Variants in TRIM44 observed in about 807,000 individuals in gnomAD.
The protein encoded by TRIM44 is tripartite motif containing 44.
TRIM44 carries 13 observed loss-of-function variants against 37.4 expected under a neutral mutation model. The ratio of observed to expected loss-of-function variants is 0.35; its 90% CI spans 0.23 to 0.55. TRIM44 has a LOEUF of 0.55. TRIM44 is among the 20% of genes least tolerant of loss of function. The probability of loss-of-function intolerance (pLI) is 0.89; values close to 1 mark genes in which losing one functional copy is unlikely to be tolerated. For synonymous variants in TRIM44, 175 were observed against 157.2 expected (o/e 1.11, Z -0.85); for missense variants, 426 against 437.2 (o/e 0.97, Z 0.23).
At chr11:35,776,090 A>G (rs895280937) in intron 4 of TRIM44, among the ~76,000 whole-genome samples, 1 of 152,170 alleles carries the variant, frequency 6.6e-6, no homozygotes, top group Non-Finnish European at 1.5e-5. Context: ...TTGTTAATCC[A>G]TCTGGTCCTG....
chr11:35,710,297 C>CAA (rs1851953116), intron 2 of TRIM44, among the ~76,000 whole-genome samples: 1 of 152,120 alleles, frequency 6.6e-6, no homozygotes, highest in Non-Finnish European at 1.5e-5. Context: ...AAGGTTATCT[C>CAA]TTATAAATGG....
intron 1 of TRIM44, among the ~76,000 whole-genome samples, chr11:35,666,504 C>A (rs1207399955): frequency 6.6e-6 from 1 of 152,096 alleles, no homozygotes; most frequent in East Asian, 1.9e-4. Context: ...TAATTTAGGT[C>A]TTTTTTATTG....
chr11:35,734,089 T>C (rs1008353085), intron 3 of TRIM44, among the ~76,000 whole-genome samples: 4 of 152,222 alleles, frequency 2.6e-5, no homozygotes, highest in African/African-American at 9.6e-5. Flanking sequence ...ATAACACATT[T>C]AGTAATAGTT....
chr11:35,752,340 A>G (rs1334708301), intron 4 of TRIM44, among the ~76,000 whole-genome samples: 1 of 151,228 alleles, frequency 6.6e-6, no homozygotes, highest in Non-Finnish European at 1.5e-5. Context: ...CTCCTGCCAG[A>G]CCTCCCCCGA....
intron 1 of TRIM44, among the ~76,000 whole-genome samples, chr11:35,682,356 A>G (rs765531495): frequency 1.3e-4 from 20 of 152,054 alleles, no homozygotes; most frequent in Non-Finnish European, 2.2e-4. Context: ...ACCTGTGCAC[A>G]AGGCCCCTTG....
intron 4 of TRIM44, among the ~76,000 whole-genome samples, chr11:35,750,956 G>A (rs920381000): frequency 2.0e-5 from 3 of 148,860 alleles, no homozygotes; most frequent in Non-Finnish European, 3.0e-5. Flanking sequence ...AAACTTGGAT[G>A]TACATAATTC....
At position 35,793,845 on chromosome 11, in the gene TRIM44, C is replaced by G. The variant is rs538358809; in HGVS notation, c.1008-12513C>G. On this transcript the variant is annotated intron_variant, in intron 4 of 4. Coordinates refer to ENST00000299413, the MANE Select transcript of TRIM44 (RefSeq NM_017583.6). ...GACCTTGGGATGTTACTTCCTTTGT[C>G]TACTCTGTATTTTCTTCGTCTGTAA... is the stretch of plus-strand genomic sequence containing the variant. Among the ~76,000 whole-genome samples, 23 of 152,250 alleles carry G rather than the reference C, an allele frequency of 1.5e-4. 1 individual carries two copies. The South Asian group carries it at 4.4e-3, about 29-fold the overall frequency.
chr11:35,705,689 A>C (rs1282196214), intron 2 of TRIM44, among the ~76,000 whole-genome samples: 1 of 147,962 alleles, frequency 6.8e-6, no homozygotes, highest in Non-Finnish European at 1.5e-5. Context: ...ATGAAGGCAG[A>C]AATAAAGATG....
chr11:35,690,901 C>T (rs1851630111), intron 2 of TRIM44, among the ~76,000 whole-genome samples: 1 of 152,212 alleles, frequency 6.6e-6, no homozygotes, highest in Non-Finnish European at 1.5e-5. Flanking sequence ...ATTTGTCTCA[C>T]TTCATGTTCT....
chr11:35,769,304 T>C (rs1233342498), intron 4 of TRIM44, among the ~76,000 whole-genome samples: 1 of 152,228 alleles, frequency 6.6e-6, no homozygotes, highest in Non-Finnish European at 1.5e-5. Context: ...GGGACTTTTT[T>C]CTTATGTTGT....
At chr11:35,679,869 A>G (rs1338814435) in intron 1 of TRIM44, among the ~76,000 whole-genome samples, 2 of 152,180 alleles carry the variant, frequency 1.3e-5, no homozygotes, top group Non-Finnish European at 2.9e-5. Flanking sequence ...AAAAACAGAA[A>G]CCCAGGGATG....
chr11:35,693,486 T>C (rs1851661474), intron 2 of TRIM44, among the ~76,000 whole-genome samples: 1 of 152,068 alleles, frequency 6.6e-6, no homozygotes, highest in African/African-American at 2.4e-5. Context: ...GTATACTGTT[T>C]GCAGGAGAAA....
At chr11:35,756,979 T>A (rs1232495282) in intron 4 of TRIM44, among the ~76,000 whole-genome samples, 1 of 152,196 alleles carries the variant, frequency 6.6e-6, no homozygotes, top group Non-Finnish European at 1.5e-5. Context: ...TTTTTTGTTG[T>A]GTCTCTGCCA....
rs889633057 is a variant in TRIM44 at position 35,758,368 on chromosome 11, C to T, written c.1007+22923C>T. Reference sequence around the variant, plus strand: ...ATTTGCTTAGTAGATCTTCCTCCATCCCTTTATTTTGAGCCTATGTGTGTC... The same window carrying T: ...ATTTGCTTAGTAGATCTTCCTCCATTCCTTTATTTTGAGCCTATGTGTGTC... On this transcript the variant is annotated intron_variant, in intron 4 of 4. Transcript: ENST00000299413. Among the ~76,000 whole-genome samples, 11 of 152,306 alleles carry T rather than the reference C, an allele frequency of 7.2e-5. No individual in the cohort carries two copies. In the South Asian group the frequency reaches 8.3e-4, roughly 11 times the overall value.
chr11:35,729,422 C>CT (rs1054612244), intron 3 of TRIM44, among the ~76,000 whole-genome samples: 13 of 152,296 alleles, frequency 8.5e-5, no homozygotes, highest in African/African-American at 3.1e-4. Context: ...AGGTGGAACT[C>CT]TGACTTCTGC....
chr11:35,715,925 A>G (rs1452579903), intron 2 of TRIM44, among the ~76,000 whole-genome samples: 1 of 152,108 alleles, frequency 6.6e-6, no homozygotes, highest in Non-Finnish European at 1.5e-5. Flanking sequence ...CAGTACCAAG[A>G]GGGATGGTGG....
Position 35,726,040 on chromosome 11 carries a change from C to T in TRIM44, c.864C>T (p.Ala288=), listed in dbSNP as rs775712373. 5.0e-6 allele frequency: 8 copies of T among 1,614,048 alleles called. No homozygotes were observed. The South Asian group carries it at 8.8e-5, about 18-fold the overall frequency. The change falls in exon 3 of 5, where the codon GCC becomes GCT. Residue 288 remains alanine (A), a synonymous_variant. Transcript: ENST00000299413. ...TAGTGGACATCCAAGAGGCAATGGC[C>T]ACAGCTCATGTGACTGAGATACTGG... ...LHLVDIQEAM[A]TAHVTEILAD...
chr11:35,668,905 A>G (rs974942570), intron 1 of TRIM44, among the ~76,000 whole-genome samples: 1 of 152,106 alleles, frequency 6.6e-6, no homozygotes, highest in Non-Finnish European at 1.5e-5. Context: ...GCTAGTATAA[A>G]TTTGTGAATC....
chr11:35,761,955 A>G (rs936768924), intron 4 of TRIM44, among the ~76,000 whole-genome samples: 18 of 152,214 alleles, frequency 1.2e-4, no homozygotes, highest in South Asian at 4.1e-4. Context: ...CAGGAATACA[A>G]TGGCAGAAGA....
Sources: gnomAD v4.1 joint callset for allele counts (sites outside exome capture counted in the v4.1 genomes callset) on GRCh38, gnomAD v4.1.1 for gene constraint, MANE v1.5 for transcripts, NCBI Gene and HGNC (gene_info 2026-07-23, HGNC 2026-07-21) for gene names.